Variants in DENND4A observed in about 807,000 individuals in gnomAD.
DENND4A encodes DENN domain containing 4A.
A neutral mutation model predicts 199.3 loss-of-function variants in DENND4A; 70 were observed. The ratio of observed to expected loss-of-function variants is 0.35; its 90% CI spans 0.29 to 0.43. The LOEUF is 0.43. DENND4A is among the 20% of genes least tolerant of loss of function. The pLI is 1.00. For missense variants in DENND4A, 1,723 were observed against 2,255.8 expected, an observed-to-expected ratio of 0.76 and a Z score of 4.78; for synonymous variants, 686 against 766.9, an observed-to-expected ratio of 0.89 and a Z score of 1.74.
chr15:65,685,149 C>T (rs757115551), intron 23 of DENND4A, among the ~76,000 whole-genome samples: 52 of 149,956 alleles, frequency 3.5e-4, no homozygotes, highest in Non-Finnish European at 5.9e-4. Flanking sequence ...TTTTTTGAGA[C>T]CGTGTCTCAC....
intron 4 of DENND4A, among the ~76,000 whole-genome samples, chr15:65,748,039 C>CAAAAAAA (rs34813076): frequency 1.8e-5 from 1 of 54,366 alleles, no homozygotes; most frequent in African/African-American, 7.3e-5. Flanking sequence ...TACTCCGTCT[C>CAAAAAAA]AAAAAAAAAA....
chr15:65,761,604 A>T (rs1482160714), intron 1 of DENND4A, among the ~76,000 whole-genome samples, 166 bp from the exon 2 acceptor site: 3 of 152,190 alleles, frequency 2.0e-5, no homozygotes, highest in African/African-American at 4.8e-5. Flanking sequence ...TAAAAACAAG[A>T]TTTCAGTAAA....
chr15:65,699,728 G>A (rs2077283764), intron 20 of DENND4A, among the ~76,000 whole-genome samples: 1 of 149,244 alleles, frequency 6.7e-6, no homozygotes, highest in Admixed American at 6.7e-5. Flanking sequence ...CACCCAAGCT[G>A]GAGTGCAGTG....
chr15:65,771,437 T>C, intron 1 of DENND4A: 1 of 1,597,900 alleles, frequency 6.3e-7, no homozygotes, highest in Non-Finnish European at 8.6e-7. Context: ...ACCCAAGTTT[T>C]CTGTCTGCGT....
intron 11 of DENND4A, among the ~76,000 whole-genome samples, chr15:65,727,028 G>A (rs1475353328): frequency 6.6e-6 from 1 of 151,976 alleles, no homozygotes; most frequent in Non-Finnish European, 1.5e-5. Flanking sequence ...TAAAAATGGA[G>A]AAAAACTGGG....
At chr15:65,752,966 C>G (rs1424046640) in intron 3 of DENND4A, among the ~76,000 whole-genome samples, 1 of 152,250 alleles carries the variant, frequency 6.6e-6, no homozygotes, top group Middle Eastern at 3.4e-3. Flanking sequence ...TTAGAAAAAG[C>G]AACTGGGCAT....
At chr15:65,719,987 A>G (rs1460843204) in intron 12 of DENND4A, among the ~76,000 whole-genome samples, 1 of 152,228 alleles carries the variant, frequency 6.6e-6, no homozygotes, top group African/African-American at 2.4e-5. Context: ...GGTAAGTATA[A>G]TCTTCAAAGA....
At chr15:65,698,234 A>G (rs1343578394) in intron 20 of DENND4A, among the ~76,000 whole-genome samples, 1 of 152,168 alleles carries the variant, frequency 6.6e-6, no homozygotes, top group East Asian at 1.9e-4. Flanking sequence ...GCACCCCTGC[A>G]CTCCAGTCTG....
intron 23 of DENND4A, among the ~76,000 whole-genome samples, chr15:65,682,498 G>C (rs527285036): frequency 6.6e-6 from 1 of 152,116 alleles, no homozygotes; most frequent in Non-Finnish European, 1.5e-5. Flanking sequence ...CTCTGGATTA[G>C]GCTTTAGCTT....
chr15:65,728,417 G>A (rs2075869209), intron 11 of DENND4A, among the ~76,000 whole-genome samples: 1 of 151,810 alleles, frequency 6.6e-6, no homozygotes, highest in Non-Finnish European at 1.5e-5. Flanking sequence ...ATCATTAAAG[G>A]GAAATAAACT....
rs1307047127 is a variant in DENND4A, at chr15:65,660,751, G to A, written c.*1100C>T. On this transcript the variant is annotated 3_prime_UTR_variant, in exon 33 of 33. Coordinates refer to ENST00000443035, the MANE Select transcript of DENND4A (RefSeq NM_001320835.1). Reference sequence around the variant, plus strand: ...AAAAGCTAAGTTCCTCAATATGGATGAAAATCTATCTGGCTGTACTTTTAG... The same window carrying A: ...AAAAGCTAAGTTCCTCAATATGGATAAAAATCTATCTGGCTGTACTTTTAG... 1.3e-5 allele frequency: 2 copies of A among 153,388 alleles called. No homozygotes were observed. The highest frequency in any genetic ancestry group is 4.8e-5 in the African/African-American group (2 of 41,446). The allele number at this position is 153,388 out of a possible 1,614,324, so 9.5% of individuals were successfully genotyped here.
At chr15:65,773,489 C>CA (rs1305860243) in intron 1 of DENND4A, among the ~76,000 whole-genome samples, 1 of 151,706 alleles carries the variant, frequency 6.6e-6, no homozygotes, top group East Asian at 1.9e-4. Flanking sequence ...CTTGAGGAGT[C>CA]AAAAAAGAAC....
intron 29 of DENND4A, among the ~76,000 whole-genome samples, 170 bp downstream of exon 29, chr15:65,667,279 G>A (rs147032918): frequency 2.4e-3 from 370 of 152,274 alleles, no homozygotes; most frequent in African/African-American, 8.6e-3. Flanking sequence ...GCAGTGAGCC[G>A]AGATAGTGCC....
chr15:65,786,161 G>A (rs544039162), intron 1 of DENND4A, among the ~76,000 whole-genome samples: 1 of 152,076 alleles, frequency 6.6e-6, no homozygotes, highest in African/African-American at 2.4e-5. Context: ...GTTTATAATA[G>A]ATAAAAAATG....
intron 1 of DENND4A, among the ~76,000 whole-genome samples, chr15:65,770,819 T>G (rs1360460318): frequency 6.6e-6 from 1 of 152,192 alleles, no homozygotes; most frequent in Non-Finnish European, 1.5e-5. Flanking sequence ...GTAACCTGTA[T>G]GTACACAAAG....
chr15:65,743,462 T>C (rs1241000850), intron 4 of DENND4A, among the ~76,000 whole-genome samples: 3 of 152,196 alleles, frequency 2.0e-5, no homozygotes, highest in Non-Finnish European at 4.4e-5. Flanking sequence ...AATATTACTT[T>C]CAAATAAGGG....
Position 65,669,878 on chromosome 15 carries a change from G to T in DENND4A, c.4688C>A (p.Ser1563Tyr). 6.2e-7 allele frequency: 1 copy of T among 1,613,898 alleles called. No homozygotes were observed. The highest frequency in any genetic ancestry group is 8.5e-7 in the Non-Finnish European group (1 of 1,179,824). Residue 1563 changes from serine to tyrosine, a missense_variant, in exon 27 of 33, where the codon TCC (serine) becomes TAC (tyrosine). Coordinates refer to ENST00000443035, the MANE Select transcript of DENND4A (RefSeq NM_001320835.1). ...CTGCCTCGTCTGACTTGAAATGGAG[G>T]ATGGAAAGTGCATATTTTCTGTTGA... ...SPSTENMHFP[S>Y]SISSQTRQSC... is the part of the protein sequence containing the mutation.
chr15:65,782,447 C>T (rs745398459), intron 1 of DENND4A, among the ~76,000 whole-genome samples: 11 of 152,264 alleles, frequency 7.2e-5, no homozygotes, highest in South Asian at 2.1e-4. Context: ...TACTACTCTT[C>T]GAACTTTTCT....
intron 20 of DENND4A, among the ~76,000 whole-genome samples, chr15:65,697,821 C>T (rs1234721340): frequency 6.6e-6 from 1 of 151,914 alleles, no homozygotes; most frequent in Non-Finnish European, 1.5e-5. Context: ...AATGATTTTA[C>T]AAAAAAATTG....
Sources: allele counts gnomAD v4.1 joint callset (sites outside exome capture counted in the v4.1 genomes callset), GRCh38; gene constraint gnomAD v4.1.1; transcripts MANE v1.5; gene names NCBI Gene and HGNC (gene_info 2026-07-23, HGNC 2026-07-21).